Variants in GALNT13 observed in about 807,000 individuals in gnomAD.
GALNT13 encodes the protein polypeptide N-acetylgalactosaminyltransferase 13.
A neutral mutation model predicts 64.2 loss-of-function variants in GALNT13; 28 were observed. The ratio of observed to expected loss-of-function variants is 0.44; its 90% CI spans 0.32 to 0.60. The LOEUF (loss-of-function observed/expected upper bound fraction) is 0.60. GALNT13 is among the 20% of genes least tolerant of loss of function. GALNT13 has a pLI of 0.05. For missense variants in GALNT13, 577 were observed against 669.8 expected (o/e 0.86, Z 1.53); for synonymous variants, 214 against 224.6 (o/e 0.95, Z 0.42).
At chr2:153,400,417 T>C in the GALNT13 span, among the ~76,000 whole-genome samples, 1 of 152,232 alleles carries the variant, frequency 6.6e-6, no homozygotes, top group African/African-American at 2.4e-5. Context: ...CTGGCTTTGG[T>C]ATCAGAATGA....
chr2:154,251,478 A>G (rs1264011352), intron 7 of GALNT13, among the ~76,000 whole-genome samples: 1 of 152,146 alleles, frequency 6.6e-6, no homozygotes, highest in Non-Finnish European at 1.5e-5. Flanking sequence ...AGCAAAACAA[A>G]TCATTTGCCC....
At chr2:153,649,646 T>G in the GALNT13 span, among the ~76,000 whole-genome samples, 1 of 152,120 alleles carries the variant, frequency 6.6e-6, no homozygotes, top group African/African-American at 2.4e-5. Flanking sequence ...ATGTGTCTGA[T>G]AGATTCTGGT....
At chr2:153,484,230 A>G in the GALNT13 span, among the ~76,000 whole-genome samples, 7 of 152,182 alleles carry the variant, frequency 4.6e-5, no homozygotes, top group Non-Finnish European at 1.5e-5. Context: ...AGCCATGACT[A>G]TATAGTAAAT....
At chr2:153,422,787 A>G in the GALNT13 span, among the ~76,000 whole-genome samples, 18 of 152,116 alleles carry the variant, frequency 1.2e-4, no homozygotes, top group Non-Finnish European at 2.4e-4. Context: ...GAGTAATCCT[A>G]TTAAAATAAA....
chr2:154,407,527 A>G (rs1303189832), intron 10 of GALNT13, among the ~76,000 whole-genome samples: 3 of 152,118 alleles, frequency 2.0e-5, no homozygotes, highest in Non-Finnish European at 4.4e-5. Flanking sequence ...TCTTTTGCCT[A>G]TAGGTTCAAT....
At chr2:153,703,570 G>T in the GALNT13 span, among the ~76,000 whole-genome samples, 1 of 151,622 alleles carries the variant, frequency 6.6e-6, no homozygotes, top group African/African-American at 2.4e-5. Flanking sequence ...CCAAAGAGTT[G>T]CTCTTCATTT....
chr2:153,171,296 T>C, the GALNT13 span, among the ~76,000 whole-genome samples: 2 of 152,244 alleles, frequency 1.3e-5, no homozygotes, highest in East Asian at 3.8e-4. Flanking sequence ...TGGCAACTAA[T>C]TGAGTGCATG....
chr2:153,759,144 AT>A, the GALNT13 span, among the ~76,000 whole-genome samples: 3 of 151,738 alleles, frequency 2.0e-5, no homozygotes, highest in East Asian at 1.9e-4. Context: ...TTATATGTTG[AT>A]TTTTTTTATC....
intron 3 of GALNT13, among the ~76,000 whole-genome samples, chr2:153,993,059 G>GT (rs1165072365): frequency 6.6e-6 from 1 of 152,044 alleles, no homozygotes; most frequent in Non-Finnish European, 1.5e-5. Context: ...AGTTCAAGCT[G>GT]TTCTTTATGA....
rs147287386 is a variant in GALNT13, at chr2:153,922,403, C to T, written c.-105+21396C>T. Among the ~76,000 whole-genome samples the T allele has an allele frequency of 9.8e-3, 1,486 of 152,220 alleles. 21 individuals are homozygous for T. The highest frequency in any genetic ancestry group is 0.034 in the African/African-American group (1,429 of 41,528). On this transcript the variant is annotated intron_variant, in intron 2 of 12. Coordinates refer to ENST00000392825, the MANE Select transcript of GALNT13 (RefSeq NM_052917.4). Reference sequence around the variant, plus strand: ...AGCCACATAAACAGTGGAAGATTTTCCTTGGACTAAACAGATCTTTTGATC... The same window carrying T: ...AGCCACATAAACAGTGGAAGATTTTTCTTGGACTAAACAGATCTTTTGATC...
At chr2:153,758,967 A>G in the GALNT13 span, among the ~76,000 whole-genome samples, 1 of 152,126 alleles carries the variant, frequency 6.6e-6, no homozygotes, top group Non-Finnish European at 1.5e-5. Flanking sequence ...TGTGTCATCA[A>G]TTTCTTTCAT....
chr2:153,651,897 C>G, the GALNT13 span, among the ~76,000 whole-genome samples: 10 of 152,240 alleles, frequency 6.6e-5, no homozygotes, highest in East Asian at 1.9e-3. Context: ...ACATATAATT[C>G]TGGTTACCAA....
intron 3 of GALNT13, among the ~76,000 whole-genome samples, chr2:153,987,273 G>A (rs1396853445): frequency 6.6e-6 from 1 of 151,876 alleles, no homozygotes; most frequent in African/African-American, 2.4e-5. Flanking sequence ...GGAGTAAAAA[G>A]AGATAGGGTT....
the GALNT13 span, among the ~76,000 whole-genome samples, chr2:153,785,491 C>G: frequency 6.6e-6 from 1 of 152,152 alleles, no homozygotes; most frequent in African/African-American, 2.4e-5. Context: ...TGCAGCAGCC[C>G]TAAGGAGGTG....
At chr2:154,268,230 C>T (rs1040682052) in intron 8 of GALNT13, among the ~76,000 whole-genome samples, 7 of 152,134 alleles carry the variant, frequency 4.6e-5, no homozygotes, top group African/African-American at 1.7e-4. Flanking sequence ...TTTGTCCATA[C>T]AAAGAATGTG....
intron 3 of GALNT13, among the ~76,000 whole-genome samples, chr2:154,049,650 A>G (rs1699479232): frequency 6.6e-6 from 1 of 151,652 alleles, no homozygotes; most frequent in Non-Finnish European, 1.5e-5. Context: ...AAATACGATT[A>G]TTGTAGTTTA....
chr2:153,884,805 A>ATATGTGTGTGTATATATATGTGTG (rs1687036368), intron 1 of GALNT13, among the ~76,000 whole-genome samples: 1 of 133,636 alleles, frequency 7.5e-6, no homozygotes, highest in Non-Finnish European at 1.5e-5. Context: ...ATATATATAT[A>ATATGTGTGTGTATATATATGTGTG]TGTGTGTGTG....
intron 12 of GALNT13, among the ~76,000 whole-genome samples, chr2:154,448,435 A>G (rs1701705302): frequency 6.6e-6 from 1 of 152,064 alleles, no homozygotes; most frequent in South Asian, 2.1e-4. Context: ...GACAAAGAAC[A>G]TGATTCCTCA....
chr2:154,367,692 G>T (rs188051813), intron 9 of GALNT13, among the ~76,000 whole-genome samples: 10 of 152,202 alleles, frequency 6.6e-5, no homozygotes, highest in African/African-American at 2.2e-4. Context: ...ACTATAAAAA[G>T]ATCTAGAAGC....
Sources: allele counts gnomAD v4.1 joint callset (sites outside exome capture counted in the v4.1 genomes callset), GRCh38; gene constraint gnomAD v4.1.1; transcripts MANE v1.5; gene names NCBI Gene and HGNC (gene_info 2026-07-23, HGNC 2026-07-21).